Variants in STK17A observed in about 807,000 individuals in gnomAD.
The protein encoded by STK17A is serine/threonine-protein kinase 17A.
STK17A carries 26 observed loss-of-function variants against 43.7 expected under a neutral mutation model. That is an observed-to-expected ratio of 0.60 (90% CI 0.44 to 0.83). STK17A has a LOEUF of 0.83. Among genes scored for constraint, STK17A ranks in the 40% least tolerant of loss-of-function variants. STK17A has a pLI of 0.00. For synonymous variants in STK17A, 191 were observed against 182.5 expected (o/e 1.05, Z -0.38); for missense variants, 476 against 511.6 (o/e 0.93, Z 0.67).
At chr7:43,595,777 AC>A in intron 1 of STK17A, 123 bp from the exon 2 acceptor site, 1 of 774,860 alleles carries the variant, frequency 1.3e-6, no homozygotes, top group Admixed American at 2.9e-5. Flanking sequence ...TGATGTTTCT[AC>A]TTTTGTGATT....
chr7:43,622,962 A>C (rs1029164095), intron 4 of STK17A: 1 of 152,400 alleles, frequency 6.6e-6, no homozygotes, highest in African/African-American at 2.4e-5. Context: ...TTGGCCTTGC[A>C]AAGTGCTGGG....
At chr7:43,592,810 G>C (rs1191908719) in intron 1 of STK17A, among the ~76,000 whole-genome samples, 4 of 152,082 alleles carry the variant, frequency 2.6e-5, no homozygotes, top group Admixed American at 6.5e-5. Flanking sequence ...AGGTTGCAGT[G>C]AGCCGAGATC....
chr7:43,613,406 A>G (rs540434593), intron 3 of STK17A, among the ~76,000 whole-genome samples: 1 of 152,346 alleles, frequency 6.6e-6, no homozygotes, highest in East Asian at 1.9e-4. Context: ...CAAATACTGT[A>G]CCATTTCCTA....
intron 1 of STK17A, 148 bp from the exon 2 acceptor site, chr7:43,595,753 T>C (rs1583550219): frequency 1.6e-6 from 1 of 639,864 alleles, no homozygotes; most frequent in East Asian, 2.8e-5. Flanking sequence ...ATGTAGCCTA[T>C]ATAAATTTCT....
chr7:43,608,619 A>G (rs1269583562), intron 3 of STK17A: 1 of 397,512 alleles, frequency 2.5e-6, no homozygotes, highest in African/African-American at 2.1e-5. Context: ...ACAATGCCAA[A>G]GAAAGGAACT....
At chr7:43,599,425 A>T (rs1441849325) in intron 2 of STK17A, among the ~76,000 whole-genome samples, 1 of 152,250 alleles carries the variant, frequency 6.6e-6, no homozygotes, top group East Asian at 1.9e-4. Flanking sequence ...TTGCTCAGCC[A>T]TTGCAATTCA....
intron 1 of STK17A, among the ~76,000 whole-genome samples, chr7:43,585,408 C>T (rs532368114): frequency 6.6e-5 from 10 of 151,264 alleles, no homozygotes; most frequent in Non-Finnish European, 1.2e-4. Context: ...TTTTAAACTC[C>T]ATTATAAAAT....
chr7:43,584,798 G>T (rs1040444862), intron 1 of STK17A, among the ~76,000 whole-genome samples: 2 of 152,192 alleles, frequency 1.3e-5, no homozygotes, highest in Non-Finnish European at 2.9e-5. Flanking sequence ...TAGTTGACTG[G>T]ATCTGTGCAT....
intron 3 of STK17A, among the ~76,000 whole-genome samples, chr7:43,614,151 C>T (rs2083130263): frequency 6.6e-6 from 1 of 152,184 alleles, no homozygotes; most frequent in African/African-American, 2.4e-5. Context: ...TTACAATGAT[C>T]TTAGCCGCCA....
At chr7:43,615,689 C>T (rs2083280334) in intron 3 of STK17A, among the ~76,000 whole-genome samples, 2 of 152,142 alleles carry the variant, frequency 1.3e-5, no homozygotes, top group Non-Finnish European at 2.9e-5. Context: ...TTTCCAACCT[C>T]ATGCCTCCCA....
intron 3 of STK17A, among the ~76,000 whole-genome samples, chr7:43,611,588 G>C (rs764957256): frequency 6.6e-6 from 1 of 152,130 alleles, no homozygotes; most frequent in Non-Finnish European, 1.5e-5. Flanking sequence ...AAAGATCCTT[G>C]CTGCAAGAAA....
chr7:43,620,707 T>A (rs1173150267), intron 4 of STK17A, among the ~76,000 whole-genome samples: 1 of 152,100 alleles, frequency 6.6e-6, no homozygotes, highest in East Asian at 1.9e-4. Context: ...TATTTAAAAT[T>A]TCAGTGGTGA....
In STK17A at chr7:43,608,441, C is replaced by T. The variant is rs111850265; in HGVS notation, c.564+41C>T. The T allele has an allele frequency of 8.7e-5, 137 of 1,570,912 alleles. No individual in the cohort carries two copies. In the African/African-American group the frequency reaches 1.4e-3, roughly 16 times the overall value. ...CAATTTTGAGATTGCTAAAGAATGA[C>T]ATTCAAGACATAAAATATTTAACAG... is the stretch of plus-strand genomic sequence containing the variant. On this transcript the variant is annotated intron_variant, in intron 3 of 6. Coordinates refer to ENST00000319357, the MANE Select transcript of STK17A (RefSeq NM_004760.3).
Position 43,595,972 on chromosome 7 carries a change from GAAAA to G in STK17A, c.280_283del (p.Lys94GlufsTer11). On this transcript the variant is annotated frameshift_variant, in exon 2 of 7. Transcript: ENST00000319357. LOFTEE classifies it high-confidence loss of function. ...AAAGAATTTGCTGCAAAGTTCATGA[GAAAA>G]AGAAGAAAAGGCCAAGATTGTCGGA... The G allele has an allele frequency of 6.2e-7, 1 of 1,613,868 alleles. No homozygotes were observed. Among genetic ancestry groups the G allele is most frequent in the Non-Finnish European group, 8.5e-7 (1 of 1,179,914 alleles).
intron 2 of STK17A, among the ~76,000 whole-genome samples, chr7:43,602,837 G>C (rs117350387): frequency 0.01 from 1,534 of 152,204 alleles, 12 homozygotes; most frequent in Non-Finnish European, 0.016. Flanking sequence ...CCAGCTGCCT[G>C]TTGCGTATTC....
At chr7:43,602,152 A>G (rs1243393206) in intron 2 of STK17A, among the ~76,000 whole-genome samples, 8 of 151,966 alleles carry the variant, frequency 5.3e-5, no homozygotes, top group Non-Finnish European at 8.8e-5. Context: ...TTTAATTCTC[A>G]TCCTTTCTTT....
At chr7:43,624,321 A>G (rs2084253403) in intron 6 of STK17A, among the ~76,000 whole-genome samples, 197 bp from the exon 7 acceptor site, 1 of 152,208 alleles carries the variant, frequency 6.6e-6, no homozygotes, top group Non-Finnish European at 1.5e-5. Flanking sequence ...AAATATTTCA[A>G]CATTTTCACA....
At chr7:43,584,676 G>T (rs1428252823) in intron 1 of STK17A, among the ~76,000 whole-genome samples, 2 of 152,006 alleles carry the variant, frequency 1.3e-5, no homozygotes, top group Admixed American at 1.3e-4. Context: ...TTTTTGGGGG[G>T]TGGGGGTGTA....
chr7:43,624,536 A>G lies in STK17A; in HGVS notation c.939A>G (p.Glu313=). The G allele has an allele frequency of 6.2e-7, 1 of 1,612,804 alleles. No individual in the cohort carries two copies. The highest frequency in any genetic ancestry group is 8.5e-7 in the Non-Finnish European group (1 of 1,179,304). The stretch of plus-strand genomic sequence containing the variant: ...TTTACAGAGATCGAGCCACTGCTGA[A>G]GAATGTCTAAAGCACCCCTGGTTGA... The part of the protein sequence containing the change: ...VKKPEDRATA[E]ECLKHPWLTQ... Residue 313 remains glutamate, a synonymous_variant, in exon 7 of 7, where the codon GAA becomes GAG. Transcript: ENST00000319357.
Sources: gnomAD v4.1 joint callset for allele counts (sites outside exome capture counted in the v4.1 genomes callset) on GRCh38, gnomAD v4.1.1 for gene constraint, MANE v1.5 for transcripts, NCBI Gene and HGNC (gene_info 2026-07-23, HGNC 2026-07-21) for gene names.